Variants in CSGALNACT1 observed in about 807,000 individuals in gnomAD.
The protein encoded by CSGALNACT1 is chondroitin sulfate N-acetylgalactosaminyltransferase 1.
In CSGALNACT1, 52 loss-of-function variants were observed where a neutral mutation model predicts 51.0. The ratio of observed to expected loss-of-function variants is 1.02; its 90% CI spans 0.82 to 1.29. The LOEUF (loss-of-function observed/expected upper bound fraction) is 1.29. Among genes scored for constraint, CSGALNACT1 ranks in the 50% most tolerant of loss-of-function variants. The pLI, the probability that CSGALNACT1 is intolerant of heterozygous loss-of-function variation, is 0.00. For missense variants in CSGALNACT1, 935 were observed against 679.2 expected (o/e 1.38, Z -4.19); for synonymous variants, 341 against 254.4 (o/e 1.34, Z -3.24).
At chr8:19,463,772 T>C (rs921866835) in intron 4 of CSGALNACT1, among the ~76,000 whole-genome samples, 25 of 152,200 alleles carry the variant, frequency 1.6e-4, no homozygotes, top group African/African-American at 5.5e-4. Context: ...TAAGCTTTCT[T>C]TGAGTTTGGT....
upstream of CSGALNACT1, among the ~76,000 whole-genome samples, chr8:19,603,805 A>T (rs1183997686): frequency 3.9e-5 from 6 of 152,232 alleles, no homozygotes; most frequent in African/African-American, 1.2e-4. Context: ...GGAAATCTAC[A>T]TAATCCAAAA....
chr8:19,430,385 T>C (rs2153724054), intron 6 of CSGALNACT1, among the ~76,000 whole-genome samples: 1 of 152,344 alleles, frequency 6.6e-6, no homozygotes, highest in East Asian at 1.9e-4. Context: ...ATATAGTGGA[T>C]GTATACCTAT....
At chr8:19,515,883 A>G (rs953767424) in intron 3 of CSGALNACT1, among the ~76,000 whole-genome samples, 1 of 152,072 alleles carries the variant, frequency 6.6e-6, no homozygotes, top group African/African-American at 2.4e-5. Context: ...GTGGTCATGG[A>G]CCCCAGAAGG....
intron 5 of CSGALNACT1, among the ~76,000 whole-genome samples, chr8:19,442,854 C>T (rs1436351383): frequency 2.0e-5 from 3 of 152,092 alleles, no homozygotes; most frequent in Non-Finnish European, 4.4e-5. Flanking sequence ...GAGCAAAGGT[C>T]AACAGTCATT....
rs372134973 is a variant in CSGALNACT1, at chr8:19,533,204, AC to A, written c.-296-27075del. Among the ~76,000 whole-genome samples, 634 of 152,150 alleles carry A rather than the reference AC, an allele frequency of 4.2e-3. 4 individuals carry two copies. Among genetic ancestry groups the A allele is most frequent in the African/African-American group, 0.014 (587 of 41,528 alleles). ...ATGTCATAGCTCACCACAGCCTCAAACTTTTGGGATCAAGCGATCCTCTCAC... is the reference window on the plus strand; with the variant it reads ...ATGTCATAGCTCACCACAGCCTCAAATTTTGGGATCAAGCGATCCTCTCAC... On this transcript the variant is annotated intron_variant, in intron 3 of 9. Transcript: ENST00000454498.
At position 19,474,879 on chromosome 8, in the gene CSGALNACT1, A is replaced by AAAG. The variant is rs1053486556; in HGVS notation, c.635-16238_635-16237insCTT. ...TGAAACTCTGTCTCAGAAAAAAAAA[A>AAAG]AAAAAAAGAAAAAAAAAAGAAAGCA... is the stretch of plus-strand genomic sequence containing the variant. On this transcript the variant is annotated intron_variant, in intron 4 of 9. Transcript: ENST00000454498. Among the ~76,000 whole-genome samples, 13 of 150,730 alleles carry AAAG rather than the reference A, an allele frequency of 8.6e-5. 1 individual carries two copies. The highest frequency in any genetic ancestry group is 4.4e-5 in the Non-Finnish European group (3 of 67,706).
chr8:19,544,797 A>G (rs1254734656), intron 3 of CSGALNACT1, among the ~76,000 whole-genome samples: 2 of 152,188 alleles, frequency 1.3e-5, no homozygotes, highest in East Asian at 1.9e-4. Context: ...ATTTTCATTT[A>G]TCTTGCTGGA....
intron 4 of CSGALNACT1, among the ~76,000 whole-genome samples, chr8:19,499,868 C>G (rs1021360784): frequency 1.3e-5 from 2 of 152,140 alleles, no homozygotes; most frequent in East Asian, 3.8e-4. Flanking sequence ...TTGCAGGATC[C>G]TGATGGAGTG....
chr8:19,538,361 A>T (rs2084264775), intron 3 of CSGALNACT1, among the ~76,000 whole-genome samples: 1 of 151,028 alleles, frequency 6.6e-6, no homozygotes, highest in Non-Finnish European at 1.5e-5. Context: ...TCAACAACAT[A>T]AAAAAAAAGT....
chr8:19,729,732 T>A (rs1202019661), intron 1 of CSGALNACT1, among the ~76,000 whole-genome samples: 1 of 152,172 alleles, frequency 6.6e-6, no homozygotes, highest in East Asian at 1.9e-4. Context: ...GCCACAAGAA[T>A]GCCCTTCCCC....
At position 19,678,825 on chromosome 8, in the gene CSGALNACT1, C is replaced by G. The variant is rs78669706; in HGVS notation, c.-544+3648G>C. 39 of 152,224 alleles carry G rather than the reference C, an allele frequency of 2.6e-4. No individual in the cohort carries two copies. In the East Asian group the frequency reaches 5.4e-3, roughly 21 times the overall value. The allele number at this position is 152,224 out of a possible 1,614,324, so 9.4% of individuals were successfully genotyped here. On this transcript the variant is annotated intron_variant, in intron 1 of 9. Transcript: ENST00000332246. ...GAGGAGGCATCCAAAAGGACAAGAC[C>G]TGGTAAGTGACACCAAGCAGGTAAG...
intron 1 of CSGALNACT1, among the ~76,000 whole-genome samples, chr8:19,615,487 G>C (rs2052876000): frequency 6.6e-6 from 1 of 152,108 alleles, no homozygotes; most frequent in African/African-American, 2.4e-5. Flanking sequence ...TACAAAATCA[G>C]CACCAACAGA....
chr8:19,455,529 A>AT (rs2063921276), intron 5 of CSGALNACT1, among the ~76,000 whole-genome samples: 1 of 152,072 alleles, frequency 6.6e-6, no homozygotes. Context: ...TAAGAATCAC[A>AT]TTTTTTTCTG....
intron 1 of CSGALNACT1, among the ~76,000 whole-genome samples, chr8:19,628,763 G>T (rs986207725): frequency 6.6e-6 from 1 of 151,720 alleles, no homozygotes; most frequent in Non-Finnish European, 1.5e-5. Flanking sequence ...TTACATGCAT[G>T]ACCACTGTAC....
intron 1 of CSGALNACT1, among the ~76,000 whole-genome samples, chr8:19,670,039 TA>T (rs2154197184): frequency 6.6e-6 from 1 of 152,292 alleles, no homozygotes; most frequent in South Asian, 2.1e-4. Flanking sequence ...TACCTACTCC[TA>T]CCTACCAAAA....
At chr8:19,407,927 G>C (rs111677677) in intron 9 of CSGALNACT1, among the ~76,000 whole-genome samples, 30,588 of 111,354 alleles carry the variant, frequency 0.27, 5,882 homozygotes, top group Middle Eastern at 0.43. Flanking sequence ...GTGTGTGTGT[G>C]TGTGTGTGTG....
chr8:19,658,883 C>G (rs2058524636), intron 1 of CSGALNACT1, among the ~76,000 whole-genome samples: 1 of 152,192 alleles, frequency 6.6e-6, no homozygotes, highest in Non-Finnish European at 1.5e-5. Context: ...TCTTCCAACA[C>G]TTATCTGGTA....
intron 4 of CSGALNACT1, among the ~76,000 whole-genome samples, chr8:19,459,091 T>C (rs150279689): frequency 6.6e-6 from 1 of 152,062 alleles, no homozygotes; most frequent in Admixed American, 6.6e-5. Context: ...GTCTTAGAAA[T>C]TAAACCACTT....
chr8:19,689,209 G>C (rs536944081), intron 1 of CSGALNACT1, among the ~76,000 whole-genome samples: 27 of 152,202 alleles, frequency 1.8e-4, no homozygotes, highest in African/African-American at 6.5e-4. Flanking sequence ...CTGTATTATA[G>C]TTCTCCACCT....
Sources: gnomAD v4.1 joint callset for allele counts (sites outside exome capture counted in the v4.1 genomes callset) on GRCh38, gnomAD v4.1.1 for gene constraint, MANE v1.5 for transcripts, NCBI Gene and HGNC (gene_info 2026-07-23, HGNC 2026-07-21) for gene names.